The following NELFA variants were observed in gnomAD, a reference collection of about 807,000 sequenced individuals.
NELFA encodes negative elongation factor complex member A.
Under a neutral mutation model 51.8 loss-of-function variants are expected in NELFA, and 35 were observed. That is an observed-to-expected ratio of 0.68 (90% CI 0.52 to 0.90). The LOEUF is 0.90. Among genes scored for constraint, NELFA ranks in the 40% least tolerant of loss-of-function variants. The pLI is 0.00. For synonymous variants in NELFA, 417 were observed against 338.4 expected (o/e 1.23, Z -2.55); for missense variants, 658 against 746.4 (o/e 0.88, Z 1.38).
chr4:1,983,523 CTGGG>C lies in NELFA; in HGVS notation c.1403-24_1403-21del, dbSNP rs1184027871. On this transcript the variant is annotated intron_variant, in intron 10 of 10. Coordinates refer to ENST00000382882, the MANE Select transcript of NELFA (RefSeq NM_005663.5). ...GGTTCTCTGCAGAGAGCAGGAGCTGCTGGGTGGGTGTCTGGGGGCACCCGCCCCC... is the reference window on the plus strand; with the variant it reads ...GGTTCTCTGCAGAGAGCAGGAGCTGCTGGGTGTCTGGGGGCACCCGCCCCC... 1 of 1,612,864 alleles carries C rather than the reference CTGGG, an allele frequency of 6.2e-7. No individual in the cohort carries two copies. Among genetic ancestry groups the C allele is most frequent in the East Asian group, 2.2e-5 (1 of 44,872 alleles).
In NELFA at chr4:1,983,054, A is replaced by T. The variant is rs1244064299; in HGVS notation, c.*265T>A. ...TTAGGAAGTTGTAACTTTTTTGGTT[A>T]ATTTACTTACTACATTCAAAAATGT... On this transcript the variant is annotated 3_prime_UTR_variant, in exon 11 of 11. Coordinates refer to ENST00000382882, the MANE Select transcript of NELFA (RefSeq NM_005663.5). 7 of 362,750 alleles carry T rather than the reference A, an allele frequency of 1.9e-5. No homozygotes were observed. The highest frequency in any genetic ancestry group is 1.7e-4 in the South Asian group (2 of 11,440). 22.5% of individuals were successfully genotyped at this position (362,750 alleles called of 1,614,324 possible).
At chr4:1,998,438 G>A (rs749024668) in intron 1 of NELFA, among the ~76,000 whole-genome samples, 5 of 152,170 alleles carry the variant, frequency 3.3e-5, no homozygotes, top group East Asian at 1.9e-4. Context: ...TAGAATAACC[G>A]GTTTAGAGAG....
In NELFA at chr4:1,989,698, G is replaced by A. The variant is rs769576594; in HGVS notation, c.544+10C>T. On this transcript the variant is annotated intron_variant, in intron 3 of 10. Coordinates refer to ENST00000382882, the MANE Select transcript of NELFA (RefSeq NM_005663.5). The surrounding 1 kb of genome is among the most constrained non-coding windows in gnomAD (Gnocchi z 4.8). Reference sequence around the variant, plus strand: ...AAAGACAATGCCCGATGGCGGCCGCGGCCACTCACACTTCTGCAGCAGCTC... The same window carrying A: ...AAAGACAATGCCCGATGGCGGCCGCAGCCACTCACACTTCTGCAGCAGCTC... The A allele has an allele frequency of 1.9e-5, 30 of 1,611,872 alleles. No individual in the cohort carries two copies. Among genetic ancestry groups the A allele is most frequent in the Non-Finnish European group, 2.4e-5 (28 of 1,179,168 alleles).
At position 1,989,962 on chromosome 4, in the gene NELFA, CAGTT is replaced by C; in HGVS notation, c.383-97_383-94del. The stretch of plus-strand genomic sequence containing the variant: ...CGGCTGCCCAGCCCCACACCCTCCT[CAGTT>C]AGGGTTAGGTCATGGGAGCTTCGGC... On this transcript the variant is annotated intron_variant, in intron 2 of 10. Coordinates refer to ENST00000382882, the MANE Select transcript of NELFA (RefSeq NM_005663.5). This position sits in a 1 kb window ranked among gnomAD's most constrained non-coding sequence, Gnocchi z 4.8. 1.4e-6 allele frequency: 2 copies of C among 1,472,142 alleles called. No individual in the cohort carries two copies. The highest frequency in any genetic ancestry group is 9.2e-7 in the Non-Finnish European group (1 of 1,088,448). 91.2% of individuals were successfully genotyped at this position (1,472,142 alleles called of 1,614,324 possible).
chr4:1,989,496 G>T lies in NELFA; in HGVS notation c.544+212C>A, dbSNP rs1384451988. 2.0e-5 allele frequency among the ~76,000 whole-genome samples: 3 copies of T among 152,004 alleles called. No homozygotes were observed. Among genetic ancestry groups the T allele is most frequent in the East Asian group, 3.9e-4 (2 of 5,156 alleles). On this transcript the variant is annotated intron_variant, in intron 3 of 10. Coordinates refer to ENST00000382882, the MANE Select transcript of NELFA (RefSeq NM_005663.5). The surrounding 1 kb of genome is among the most constrained non-coding windows in gnomAD (Gnocchi z 4.8). The stretch of plus-strand genomic sequence containing the variant: ...GCACGCACCACCATGCCCGGCTAAT[G>T]TTTTGGTACTTTTGGTAGAGATGGG...
chr4:1,987,969 C>A lies in NELFA; in HGVS notation c.583G>T (p.Val195Leu), dbSNP rs1248912456. ...TAQQLKRSAG[V>L]PFHAKGRGLL... ...CCCCGGCCCTTGGCGTGGAAGGGCA[C>A]CCCGGCGCTCCGCTTCAACTGCTGG... The change falls in exon 4 of 11, where the codon GTG becomes TTG. Residue 195 changes from valine (V) to leucine (L), a missense_variant. By Grantham distance (32) the Val-to-Leu change is conservative. This residue lies in a region of NELFA where 371 missense variants were observed against 448.3 expected (regional missense o/e 0.83). Transcript: ENST00000382882. The A allele has an allele frequency of 6.2e-7, 1 of 1,611,240 alleles. No homozygotes were observed. Among genetic ancestry groups the A allele is most frequent in the East Asian group, 2.2e-5 (1 of 44,860 alleles).
intron 1 of NELFA, among the ~76,000 whole-genome samples, chr4:1,998,895 G>C (rs1205901882): frequency 1.3e-5 from 2 of 152,124 alleles, no homozygotes; most frequent in Admixed American, 6.5e-5. Context: ...AGCAGCCAGA[G>C]AGAAAGGCCA....
chr4:2,004,809 C>CTTTTT (rs760686190), intron 1 of NELFA, among the ~76,000 whole-genome samples: 1 of 119,566 alleles, frequency 8.4e-6, no homozygotes, highest in Non-Finnish European at 1.8e-5. Context: ...TTTAATAAAG[C>CTTTTT]TTTTTTTTTT....
In NELFA at chr4:1,983,872, C is replaced by A; in HGVS notation, c.1278G>T (p.Gln426His). The A allele has an allele frequency of 6.3e-7, 1 of 1,582,872 alleles. No homozygotes were observed. ...APQTQAPAQQ[Q>H]PKKNLSLTRE... Reference sequence around the variant, plus strand: ...CCGTGAGGGACAGGTTCTTCTTAGGCTGCTGCTGAGCAGGGGCCTGGGTCT... The same window carrying A: ...CCGTGAGGGACAGGTTCTTCTTAGGATGCTGCTGAGCAGGGGCCTGGGTCT... Residue 426 changes from glutamine (Q) to histidine (H), a missense_variant, in exon 9 of 11, where the codon CAG becomes CAT. Transcript: ENST00000382882.
rs369941680 is a variant in NELFA at position 2,006,328 on chromosome 4, G to C, written c.210+2422C>G. Among the ~76,000 whole-genome samples, 19 of 152,334 alleles carry C rather than the reference G, an allele frequency of 1.2e-4. No individual in the cohort carries two copies. In the East Asian group the frequency reaches 1.7e-3, roughly 14 times the overall value. On this transcript the variant is annotated intron_variant, in intron 1 of 10. Coordinates refer to ENST00000382882, the MANE Select transcript of NELFA (RefSeq NM_005663.5). ...AATTCCACGCAGACTGAAGATTCAA[G>C]TGCGAAAGGTAAAACTGTACAGCTA...
chr4:2,008,024 A>C (rs1240150774), intron 1 of NELFA: 3 of 456,970 alleles, frequency 6.6e-6, no homozygotes. Flanking sequence ...AAACGGACAC[A>C]GAGCGCTCCG....
intron 1 of NELFA, among the ~76,000 whole-genome samples, chr4:2,003,129 G>T (rs1728620712): frequency 6.6e-6 from 1 of 152,130 alleles, no homozygotes; most frequent in African/African-American, 2.4e-5. Flanking sequence ...ATGAAGAAAA[G>T]CTCTACGTCA....
At chr4:2,005,520 C>T (rs185329535) in intron 1 of NELFA, among the ~76,000 whole-genome samples, 11 of 152,088 alleles carry the variant, frequency 7.2e-5, no homozygotes, top group Middle Eastern at 6.8e-3. Flanking sequence ...GGTGAAACCC[C>T]ATCTCTACTA....
intron 4 of NELFA, among the ~76,000 whole-genome samples, chr4:1,986,991 G>GT (rs1728124223): frequency 6.6e-6 from 1 of 152,178 alleles, no homozygotes; most frequent in South Asian, 2.1e-4. Context: ...GGGATGCCTG[G>GT]TGGGGGTGGA....
chr4:2,007,168 C>G (rs1728731355), intron 1 of NELFA: 1 of 423,048 alleles, frequency 2.4e-6, no homozygotes, highest in Non-Finnish European at 4.9e-6. Flanking sequence ...GATGGTGCCA[C>G]TGCACTCCAG....
chr4:1,989,920 C>A lies in NELFA; in HGVS notation c.383-51G>T. ...AGGGGCGCCCAGGCCGCAGACCTCC[C>A]GGCTGAGAGGAGCTGGCGGCTGCCC... On this transcript the variant is annotated intron_variant, in intron 2 of 10. Transcript: ENST00000382882. This position sits in a 1 kb window ranked among gnomAD's most constrained non-coding sequence, Gnocchi z 4.8. The A allele has an allele frequency of 6.3e-7, 1 of 1,584,172 alleles. No homozygotes were observed. Among genetic ancestry groups the A allele is most frequent in the South Asian group, 1.2e-5 (1 of 86,740 alleles).
intron 2 of NELFA, among the ~76,000 whole-genome samples, chr4:1,991,153 A>G (rs1052200546): frequency 6.6e-6 from 1 of 152,194 alleles, no homozygotes; most frequent in Non-Finnish European, 1.5e-5. Context: ...TAAATCGTTG[A>G]TATTTTCAAC....
intron 4 of NELFA, chr4:1,987,615 TCCCGGCCTTCCTGTCTC>T (rs1728144609): frequency 5.1e-6 from 2 of 395,854 alleles, no homozygotes; most frequent in African/African-American, 4.7e-5. Context: ...TGTCCTCAGA[TCCCGGCCTTCCTGTCTC>T]CATGCCCAGC....
intron 1 of NELFA, among the ~76,000 whole-genome samples, chr4:2,007,761 T>A (rs1032366910): frequency 1.3e-4 from 20 of 152,178 alleles, no homozygotes; most frequent in Non-Finnish European, 2.6e-4. Context: ...ATGCTATTAT[T>A]ATTCGTTAAA....
Sources: allele counts gnomAD v4.1 joint callset (sites outside exome capture counted in the v4.1 genomes callset), GRCh38; gene constraint gnomAD v4.1.1; regional missense constraint gnomAD v4.1.1; non-coding constraint Gnocchi (gnomAD v3.1); transcripts MANE v1.5; gene names NCBI Gene and HGNC (gene_info 2026-07-23, HGNC 2026-07-21).